STK36: variants seen among roughly 807,000 people sequenced by gnomAD.
STK36 encodes the protein serine/threonine-protein kinase 36.
A neutral mutation model predicts 142.2 loss-of-function variants in STK36; 116 were observed. The ratio of observed to expected loss-of-function variants is 0.82; its 90% CI spans 0.70 to 0.95. The LOEUF is 0.95. STK36 is among the 40% of genes least tolerant of loss of function. STK36 has a pLI of 0.00. For synonymous variants in STK36, 619 were observed against 641.7 expected, an observed-to-expected ratio of 0.96 and a Z score of 0.53; for missense variants, 1,422 against 1,617.2, an observed-to-expected ratio of 0.88 and a Z score of 2.07.
rs564705455 is a variant in STK36, at chr2:218,702,122, C to A, written c.*113C>A. ...AAGAGACTAGAAAAGAGATAAGCTG[C>A]CAACTCAACTGAGAACAAGAAACTA... On this transcript the variant is annotated 3_prime_UTR_variant, in exon 27 of 27. Coordinates refer to ENST00000295709, the MANE Select transcript of STK36 (RefSeq NM_015690.5). The A allele has an allele frequency of 7.1e-5, 93 of 1,303,742 alleles. 2 individuals are homozygous for A. In the Admixed American group the frequency reaches 1.8e-3, roughly 26 times the overall value. The allele number at this position is 1,303,742 out of a possible 1,614,324, so 80.8% of individuals were successfully genotyped here. A position where few individuals can be genotyped will look rare whatever the true frequency, so the allele number is the denominator to read the frequency against.
chr2:218,691,056 T>G (rs1206693898), intron 14 of STK36, among the ~76,000 whole-genome samples: 1 of 152,104 alleles, frequency 6.6e-6, no homozygotes, highest in African/African-American at 2.4e-5. Flanking sequence ...ATAGAACGAC[T>G]TCTTCTTGAA....
Position 218,672,087 on chromosome 2 carries a change from G to T in STK36, c.-218G>T. On this transcript the variant is annotated 5_prime_UTR_variant, in exon 1 of 27. Coordinates refer to ENST00000295709, the MANE Select transcript of STK36 (RefSeq NM_015690.5). ...GGCAACCGCAGACTCCGGGTCCTTA[G>T]CCGGGCCTGATGGCCCTGAGGCAGT... The T allele has an allele frequency of 7.4e-7, 1 of 1,346,548 alleles. No homozygotes were observed. The highest frequency in any genetic ancestry group is 1.2e-5 in the South Asian group (1 of 80,924). The allele number at this position is 1,346,548 out of a possible 1,614,324, so 83.4% of individuals were successfully genotyped here.
chr2:218,675,502 T>C, intron 5 of STK36, 29 bp downstream of exon 5: 1 of 1,586,972 alleles, frequency 6.3e-7, no homozygotes, highest in Non-Finnish European at 8.6e-7. Flanking sequence ...CATCTAAGCT[T>C]CCAGTTCCAC....
intron 6 of STK36, among the ~76,000 whole-genome samples, chr2:218,678,667 G>GC (rs1940365188): frequency 6.6e-6 from 1 of 152,136 alleles, no homozygotes; most frequent in Non-Finnish European, 1.5e-5. Flanking sequence ...CTGAAGACTT[G>GC]CAGAAAGATT....
chr2:218,693,751 A>T lies in STK36; in HGVS notation c.2177A>T (p.Glu726Val), dbSNP rs777112815. 17 of 1,613,978 alleles carry T rather than the reference A, an allele frequency of 1.1e-5. No individual in the cohort carries two copies. In the South Asian group the frequency reaches 1.1e-4, roughly 10 times the overall value. The part of the protein sequence containing the change: ...KVLYSCCLVS[E>V]GLCRLLGQEP... The stretch of plus-strand genomic sequence containing the variant: ...CTATACTCCTGCTGCCTTGTCAGTG[A>T]GGGCCTGTGCCGTCTTCTGGGGCAG... Residue 726 changes from glutamate (E) to valine (V), a missense_variant, in exon 18 of 27, where the codon GAG (glutamate) becomes GTG (valine). Glu to Val is a moderately radical substitution (Grantham distance 121). Coordinates refer to ENST00000295709, the MANE Select transcript of STK36 (RefSeq NM_015690.5).
In STK36 at chr2:218,683,154, G is replaced by A. The variant is rs147692132; in HGVS notation, c.1237-1931G>A. On this transcript the variant is annotated intron_variant, in intron 10 of 26. Coordinates refer to ENST00000295709, the MANE Select transcript of STK36 (RefSeq NM_015690.5). ...GTCTTATTCTATCACCTGGACAACAGGGTGGACTATAGTGGTGCAATCATG... is the reference window on the plus strand; with the variant it reads ...GTCTTATTCTATCACCTGGACAACAAGGTGGACTATAGTGGTGCAATCATG... 2.5e-3 allele frequency among the ~76,000 whole-genome samples: 383 copies of A among 152,254 alleles called. 1 individual carries two copies. Among genetic ancestry groups the A allele is most frequent in the Non-Finnish European group, 4.5e-3 (309 of 68,030 alleles).
In STK36 at chr2:218,672,897, G is replaced by A. The variant is rs375237906; in HGVS notation, c.68G>A (p.Arg23Lys). 6.2e-7 allele frequency: 1 copy of A among 1,613,980 alleles called. No individual in the cohort carries two copies. The highest frequency in any genetic ancestry group is 8.5e-7 in the Non-Finnish European group (1 of 1,179,986). ...GSFGRVYKGR[R>K]KYSAQVVALK... is the part of the protein sequence containing the mutation. ...TTTGGGAGGGTGTACAAGGGTCGAA[G>A]AAAATACAGTGCTCAGGTGTTGCAC... The change falls in exon 2 of 27, where the codon AGA becomes AAA. Residue 23 changes from arginine (R) to lysine (K), a missense_variant. By Grantham distance (26) the Arg-to-Lys change is conservative. Around this residue, in one of 2 missense-constraint regions of STK36, gnomAD observed 460 missense variants for 449.6 expected, o/e 1.02. Transcript: ENST00000295709.
intron 11 of STK36, among the ~76,000 whole-genome samples, chr2:218,687,594 T>G (rs1308522384): frequency 6.6e-6 from 1 of 152,156 alleles, no homozygotes; most frequent in Non-Finnish European, 1.5e-5. Flanking sequence ...TAACTTGCAG[T>G]GTGGGGAGGC....
At chr2:218,690,734 T>C (rs1007071154) in intron 14 of STK36, among the ~76,000 whole-genome samples, 179 bp downstream of exon 14, 1 of 152,144 alleles carries the variant, frequency 6.6e-6, no homozygotes, top group Admixed American at 6.5e-5. Flanking sequence ...GGACTAGGGA[T>C]AATTTAATAG....
At chr2:218,673,211 T>G in intron 2 of STK36, 1 of 397,884 alleles carries the variant, frequency 2.5e-6, no homozygotes, top group South Asian at 3.6e-5. Context: ...ATTAAATATG[T>G]TTTCACATTA....
At chr2:218,690,300 T>G (rs1575135687) in intron 13 of STK36, 150 bp from the exon 14 acceptor site, 6 of 684,154 alleles carry the variant, frequency 8.8e-6, no homozygotes, top group East Asian at 7.9e-5. Context: ...GCTTGGAGGG[T>G]GTATGTGTGT....
intron 15 of STK36, 94 bp downstream of exon 15, chr2:218,692,387 C>T (rs1026025686): frequency 5.2e-6 from 8 of 1,538,830 alleles, no homozygotes; most frequent in East Asian, 2.3e-5. Flanking sequence ...TCGCACCTGG[C>T]ATTTAGTAGG....
intron 14 of STK36, among the ~76,000 whole-genome samples, 198 bp from the exon 15 acceptor site, chr2:218,691,937 AGAAGGATT>A (rs1382291507): frequency 6.6e-6 from 1 of 152,250 alleles, no homozygotes; most frequent in Non-Finnish European, 1.5e-5. Flanking sequence ...ATCAGAGAAT[AGAAGGATT>A]GACACCTAAA....
intron 10 of STK36, 104 bp downstream of exon 10, chr2:218,680,806 C>T: frequency 1.2e-6 from 1 of 852,720 alleles, no homozygotes; most frequent in Non-Finnish European, 1.8e-6. Context: ...AGTATGAGCT[C>T]CCTTTGTGTT....
chr2:218,673,984 C>G (rs753458269), intron 4 of STK36, 28 bp downstream of exon 4: 1 of 1,600,396 alleles, frequency 6.2e-7, no homozygotes, highest in Admixed American at 1.7e-5. Context: ...AACTTCTCCC[C>G]ACCTCCGACC....
chr2:218,699,368 T>C lies in STK36; in HGVS notation c.3804+20T>C, dbSNP rs1941362516. ...CATCAGGTATACCCTACAGCACTTA[T>C]GAACCATGATGATCAGGGCCCCTAT... On this transcript the variant is annotated intron_variant, in intron 26 of 26. Coordinates refer to ENST00000295709, the MANE Select transcript of STK36 (RefSeq NM_015690.5). 1.2e-6 allele frequency: 2 copies of C among 1,603,198 alleles called. No individual in the cohort carries two copies. Among genetic ancestry groups the C allele is most frequent in the Admixed American group, 1.7e-5 (1 of 58,022 alleles).
intron 25 of STK36, 55 bp downstream of exon 25, chr2:218,698,056 T>C (rs1575143890): frequency 6.2e-7 from 1 of 1,607,338 alleles, no homozygotes; most frequent in Non-Finnish European, 8.5e-7. Flanking sequence ...CCTTGTATCC[T>C]CTAATTTACT....
chr2:218,673,924 C>G lies in STK36; in HGVS notation c.271C>G (p.Leu91Val), dbSNP rs772395012. 1.9e-6 allele frequency: 3 copies of G among 1,613,966 alleles called. No homozygotes were observed. Among genetic ancestry groups the G allele is most frequent in the South Asian group, 1.1e-5 (1 of 91,066 alleles). ...TGCTGAGGGAGAGCTCTTTCAGATCCTAGAAGATGACGGAAAACTTCCTGA... is the reference window on the plus strand; with the variant it reads ...TGCTGAGGGAGAGCTCTTTCAGATCGTAGAAGATGACGGAAAACTTCCTGA... The part of the protein sequence containing the change: ...DYAEGELFQI[L>V]EDDGKLPEDQ... The change falls in exon 4 of 27, where the codon CTA (leucine) becomes GTA (valine). Residue 91 changes from leucine to valine, a missense_variant. Leu to Val is a conservative substitution (Grantham distance 32, BLOSUM62 1). Coordinates refer to ENST00000295709, the MANE Select transcript of STK36 (RefSeq NM_015690.5).
chr2:218,691,809 C>T (rs529922617), intron 14 of STK36, among the ~76,000 whole-genome samples: 14 of 152,296 alleles, frequency 9.2e-5, no homozygotes, highest in South Asian at 2.1e-4. Context: ...CCACCTGCCT[C>T]GGCCTCCCAA....
Sources: allele counts gnomAD v4.1 joint callset (sites outside exome capture counted in the v4.1 genomes callset), GRCh38; gene constraint gnomAD v4.1.1; regional missense constraint gnomAD v4.1.1; transcripts MANE v1.5; gene names NCBI Gene and HGNC (gene_info 2026-07-23, HGNC 2026-07-21).